The following WIPF2 variants were observed in gnomAD, a reference collection of about 807,000 sequenced individuals.
The protein encoded by WIPF2 is WAS/WASL interacting protein family member 2, also known as WAS/WASL-interacting protein family member 2.
WIPF2 carries 23 observed loss-of-function variants against 38.8 expected under a neutral mutation model. That is an observed-to-expected ratio of 0.59 (90% CI 0.43 to 0.84). The LOEUF (loss-of-function observed/expected upper bound fraction) is 0.84. Ranked by LOEUF, WIPF2 falls within the 40% of genes least tolerant of loss-of-function variation. The pLI, the probability that WIPF2 is intolerant of heterozygous loss-of-function variation, is 0.00. For missense variants in WIPF2, 574 were observed against 580.5 expected (o/e 0.99, Z 0.11); for synonymous variants, 210 against 223.2 (o/e 0.94, Z 0.53).
intron 1 of WIPF2, among the ~76,000 whole-genome samples, chr17:40,221,035 G>C (rs1475179452): frequency 6.6e-6 from 1 of 152,000 alleles, no homozygotes; most frequent in Non-Finnish European, 1.5e-5. Flanking sequence ...GCCCGCCTCT[G>C]CCTCCCAGAG....
chr17:40,264,976 G>T lies in WIPF2; in HGVS notation c.800G>T (p.Ser267Ile). ...QPPGVPNGPS[S>I]PTNESAPELP... is the part of the protein sequence containing the mutation. ...CCTGGGGTCCCCAATGGACCCTCTA[G>T]CCCCACTAATGAGTCAGCCCCTGAG... The change falls in exon 5 of 8, where the codon AGC (serine) becomes ATC (isoleucine). Residue 267 changes from serine (S) to isoleucine (I), a missense_variant. Transcript: ENST00000323571. 6.2e-7 allele frequency: 1 copy of T among 1,614,042 alleles called. No individual in the cohort carries two copies. The highest frequency in any genetic ancestry group is 8.5e-7 in the Non-Finnish European group (1 of 1,179,982).
chr17:40,256,598 C>G (rs969921546), intron 2 of WIPF2, 76 bp downstream of exon 2: 3 of 1,477,520 alleles, frequency 2.0e-6, no homozygotes, highest in Admixed American at 5.7e-5. Context: ...CTTTTTTTTT[C>G]TTTTAACTCC....
rs752568975 is a variant in WIPF2 at position 40,261,296 on chromosome 17, C to CT, written c.196+642dup. On this transcript the variant is annotated intron_variant, in intron 3 of 7. Coordinates refer to ENST00000323571, the MANE Select transcript of WIPF2 (RefSeq NM_133264.5). ...GCCCAGATAACTATGTTGAACATTTCTTTTTTTTTTTTTAAAGACTGAGTT... is the reference window on the plus strand; with the variant it reads ...GCCCAGATAACTATGTTGAACATTTCTTTTTTTTTTTTTTAAAGACTGAGTT... 6.1e-3 allele frequency among the ~76,000 whole-genome samples: 880 copies of CT among 143,798 alleles called. 5 individuals carry two copies. Among genetic ancestry groups the CT allele is most frequent in the Non-Finnish European group, 6.0e-3 (394 of 65,238 alleles). 94.3% of individuals were successfully genotyped at this position (143,798 alleles called of 152,430 possible). A position where few individuals can be genotyped will look rare whatever the true frequency, so the allele number is the denominator to read the frequency against.
intron 1 of WIPF2, among the ~76,000 whole-genome samples, chr17:40,245,392 G>A (rs2031331059): frequency 6.6e-6 from 1 of 151,658 alleles, no homozygotes; most frequent in Non-Finnish European, 1.5e-5. Context: ...GCCCAGGCTG[G>A]AGCGCAGTGG....
At chr17:40,233,069 C>G (rs912259154) in intron 1 of WIPF2, among the ~76,000 whole-genome samples, 1 of 152,140 alleles carries the variant, frequency 6.6e-6, no homozygotes. Context: ...TGTGGTTACA[C>G]CCAGGCTGTG....
At chr17:40,233,581 G>A (rs780762646) in intron 1 of WIPF2, among the ~76,000 whole-genome samples, 31 of 151,808 alleles carry the variant, frequency 2.0e-4, no homozygotes, top group Non-Finnish European at 3.5e-4. Context: ...GCCTTAGTGG[G>A]GAGTACAGGT....
intron 1 of WIPF2, among the ~76,000 whole-genome samples, chr17:40,253,177 C>T (rs1411676265): frequency 6.6e-6 from 1 of 151,782 alleles, no homozygotes; most frequent in Non-Finnish European, 1.5e-5. Context: ...ATTCTCCTGC[C>T]TCAGGCTCCC....
At chr17:40,229,212 A>G (rs1016133960) in intron 1 of WIPF2, among the ~76,000 whole-genome samples, 1 of 151,218 alleles carries the variant, frequency 6.6e-6, no homozygotes, top group Non-Finnish European at 1.5e-5. Context: ...CCCGGGTTCA[A>G]GCGATTCTCC....
rs996496322 is a variant in WIPF2, at chr17:40,219,342, C to A, written c.-220C>A. 8.0e-6 allele frequency: 3 copies of A among 373,468 alleles called. No individual in the cohort carries two copies. Among genetic ancestry groups the A allele is most frequent in the Admixed American group, 9.4e-5 (2 of 21,346 alleles). The allele number at this position is 373,468 out of a possible 1,614,324, so 23.1% of individuals were successfully genotyped here. On this transcript the variant is annotated 5_prime_UTR_variant, in exon 1 of 8. Coordinates refer to ENST00000323571, the MANE Select transcript of WIPF2 (RefSeq NM_133264.5). The stretch of plus-strand genomic sequence containing the variant: ...ACGCTGGGGACGGTGGGAGCAGATC[C>A]ATTTCCGGGTTGGCAAAAGGGGCGG...
chr17:40,259,222 T>C (rs1359641537), intron 2 of WIPF2, among the ~76,000 whole-genome samples: 1 of 151,100 alleles, frequency 6.6e-6, no homozygotes. Context: ...GTTTAGATTA[T>C]TGCTTGAGGG....
chr17:40,260,322 G>C (rs766509483), intron 2 of WIPF2, among the ~76,000 whole-genome samples: 7 of 151,388 alleles, frequency 4.6e-5, no homozygotes, highest in Non-Finnish European at 1.0e-4. Context: ...TGAGTAGCTG[G>C]GATACAGCAT....
chr17:40,231,425 CTTTTTTTTT>C (rs869080815), intron 1 of WIPF2, among the ~76,000 whole-genome samples: 1 of 136,334 alleles, frequency 7.3e-6, no homozygotes, highest in African/African-American at 2.7e-5. Context: ...GCTTTTCTAC[CTTTTTTTTT>C]TTTTTTTTTT....
chr17:40,228,221 T>C (rs921859307), intron 1 of WIPF2, among the ~76,000 whole-genome samples: 16 of 151,456 alleles, frequency 1.1e-4, no homozygotes, highest in African/African-American at 3.9e-4. Flanking sequence ...TTCACCGTTT[T>C]AGCCGGGATG....
intron 6 of WIPF2, 41 bp from the exon 7 acceptor site, chr17:40,277,042 A>G (rs368481566): frequency 4.5e-5 from 70 of 1,553,138 alleles, no homozygotes; most frequent in Admixed American, 7.0e-5. Flanking sequence ...GTGGGAGCAC[A>G]AGCAAGGATG....
At chr17:40,256,569 G>A (rs768843709) in intron 2 of WIPF2, 47 bp downstream of exon 2, 3 of 1,549,602 alleles carry the variant, frequency 1.9e-6, no homozygotes, top group South Asian at 1.2e-5. Context: ...TGAGTAAATA[G>A]GTTGATGGTC....
chr17:40,223,538 A>G (rs1234336860), intron 1 of WIPF2, among the ~76,000 whole-genome samples: 1 of 151,702 alleles, frequency 6.6e-6, no homozygotes, highest in Admixed American at 6.6e-5. Flanking sequence ...TTTAGGAAAA[A>G]AAAAAGGCAA....
chr17:40,267,123 C>T (rs1330630167), intron 5 of WIPF2, among the ~76,000 whole-genome samples: 1 of 151,958 alleles, frequency 6.6e-6, no homozygotes, highest in African/African-American at 2.4e-5. Context: ...TAGGCAACCA[C>T]GCGAAGGGCC....
chr17:40,266,378 A>T (rs904525916), intron 5 of WIPF2, among the ~76,000 whole-genome samples: 4 of 151,906 alleles, frequency 2.6e-5, no homozygotes, highest in African/African-American at 9.7e-5. Context: ...TGATGGAAAA[A>T]CTCCAAGGTA....
chr17:40,226,189 TAAAA>T (rs1187842305), intron 1 of WIPF2, among the ~76,000 whole-genome samples: 4 of 121,464 alleles, frequency 3.3e-5, no homozygotes, highest in Admixed American at 1.7e-4. Context: ...GGATAGTTGG[TAAAA>T]AAAAAAAAAA....
Sources: allele counts gnomAD v4.1 joint callset (sites outside exome capture counted in the v4.1 genomes callset), GRCh38; gene constraint gnomAD v4.1.1; transcripts MANE v1.5; gene names NCBI Gene and HGNC (gene_info 2026-07-23, HGNC 2026-07-21).